Variants in KLHL1 observed in about 807,000 individuals in gnomAD.
The protein encoded by KLHL1 is kelch-like protein 1.
In KLHL1, 47 loss-of-function variants were observed where a neutral mutation model predicts 77.7. That is an observed-to-expected ratio of 0.60 (90% CI 0.48 to 0.77). The LOEUF (loss-of-function observed/expected upper bound fraction) is 0.77. KLHL1 is among the 30% of genes least tolerant of loss of function. The pLI, the probability that KLHL1 is intolerant of heterozygous loss-of-function variation, is 0.00. For synonymous variants in KLHL1, 360 were observed against 325.2 expected, an observed-to-expected ratio of 1.11 and a Z score of -1.15; for missense variants, 925 against 910.8, an observed-to-expected ratio of 1.02 and a Z score of -0.20.
At chr13:70,039,056 ATTTTTTTT>A (rs35184766) in intron 1 of KLHL1, among the ~76,000 whole-genome samples, 12 of 124,690 alleles carry the variant, frequency 9.6e-5, no homozygotes, top group East Asian at 4.9e-4. Context: ...TCCTTTGCAC[ATTTTTTTT>A]TTTTTTTTTT....
intron 4 of KLHL1, among the ~76,000 whole-genome samples, chr13:69,903,178 T>TG (rs1338443101): frequency 1.3e-5 from 2 of 152,130 alleles, no homozygotes; most frequent in African/African-American, 4.8e-5. Context: ...CTCAGAAAGA[T>TG]GTGGTAAAAG....
chr13:69,743,781 G>A (rs1470626913), intron 7 of KLHL1, among the ~76,000 whole-genome samples: 7 of 134,522 alleles, frequency 5.2e-5, no homozygotes, highest in Admixed American at 3.1e-4. Context: ...GTGAGATTTT[G>A]TCTCAAAAAA....
Position 69,764,929 on chromosome 13 carries a change from C to CTTTTTTTTTTTTTTT in KLHL1, c.1640-24388_1640-24374dup, listed in dbSNP as rs71196263. Among the ~76,000 whole-genome samples the CTTTTTTTTTTTTTTT allele has an allele frequency of 3.2e-3, 128 of 39,724 alleles. 51 individuals are homozygous for CTTTTTTTTTTTTTTT. The highest frequency in any genetic ancestry group is 4.1e-3 in the Admixed American group (9 of 2,174). The allele number at this position is 39,724 out of a possible 152,430, so 26.1% of individuals were successfully genotyped here. On this transcript the variant is annotated intron_variant, in intron 7 of 10. Coordinates refer to ENST00000377844, the MANE Select transcript of KLHL1 (RefSeq NM_020866.3). ...TCTCATGCTTTCATGTATATCTTTG[C>CTTTTTTTTTTTTTTT]TTTTTTTTTTTTTTTTTTTTTTTTT...
chr13:69,787,301 C>G (rs1318337851), intron 7 of KLHL1, among the ~76,000 whole-genome samples: 1 of 152,048 alleles, frequency 6.6e-6, no homozygotes, highest in Non-Finnish European at 1.5e-5. Flanking sequence ...GGTACTGGTA[C>G]CAAAACAGAA....
intron 6 of KLHL1, chr13:69,802,895 T>C (rs1436828620): frequency 1.3e-5 from 2 of 152,132 alleles, no homozygotes; most frequent in Non-Finnish European, 2.9e-5. Context: ...CATTTCTGGG[T>C]TCCTACAATG....
intron 9 of KLHL1, among the ~76,000 whole-genome samples, chr13:69,710,797 G>GGTTT (rs1040067961): frequency 2.0e-5 from 3 of 151,884 alleles, no homozygotes; most frequent in African/African-American, 4.8e-5. Context: ...CTAGTTGCCA[G>GGTTT]GTTTGTTTGT....
At chr13:69,749,134 G>A (rs747587507) in intron 7 of KLHL1, among the ~76,000 whole-genome samples, 1 of 151,772 alleles carries the variant, frequency 6.6e-6, no homozygotes, top group Admixed American at 6.6e-5. Flanking sequence ...TTGCAGAATG[G>A]GCTCATTAGG....
chr13:69,825,135 T>C (rs1878494498), intron 6 of KLHL1, among the ~76,000 whole-genome samples: 1 of 152,256 alleles, frequency 6.6e-6, no homozygotes, highest in Non-Finnish European at 1.5e-5. Context: ...CTTTTTAATG[T>C]TTAAAAATTC....
intron 7 of KLHL1, among the ~76,000 whole-genome samples, chr13:69,742,756 A>G (rs1380302227): frequency 6.6e-6 from 1 of 152,226 alleles, no homozygotes. Flanking sequence ...ACACAACTCT[A>G]TTCATATGGA....
intron 1 of KLHL1, among the ~76,000 whole-genome samples, chr13:70,104,662 A>G (rs1450781226): frequency 1.3e-5 from 2 of 152,164 alleles, no homozygotes; most frequent in Non-Finnish European, 2.9e-5. Context: ...AATGCTCATT[A>G]TTAAATATGA....
intron 8 of KLHL1, among the ~76,000 whole-genome samples, chr13:69,727,410 A>G (rs1873349235): frequency 6.6e-6 from 1 of 152,098 alleles, no homozygotes; most frequent in Non-Finnish European, 1.5e-5. Context: ...GGACAGTCAC[A>G]AGTTAATAAG....
intron 8 of KLHL1, among the ~76,000 whole-genome samples, chr13:69,730,097 AGACTCTGC>A (rs1873475159): frequency 6.6e-6 from 1 of 152,186 alleles, no homozygotes; most frequent in Non-Finnish European, 1.5e-5. Context: ...AATTGCCACA[AGACTCTGC>A]GTTAAATATT....
At chr13:69,779,764 A>G (rs1046493397) in intron 7 of KLHL1, among the ~76,000 whole-genome samples, 3 of 151,488 alleles carry the variant, frequency 2.0e-5, no homozygotes, top group African/African-American at 7.3e-5. Flanking sequence ...TGCTCCAAAA[A>G]CTTGTTTTAT....
At chr13:70,100,193 AT>A (rs60671586) in intron 1 of KLHL1, among the ~76,000 whole-genome samples, 9,932 of 151,676 alleles carry the variant, frequency 0.065, 563 homozygotes, top group East Asian at 0.32. Flanking sequence ...ATATTTCTTC[AT>A]TATGTGGCTC....
intron 1 of KLHL1, among the ~76,000 whole-genome samples, chr13:69,982,921 G>A (rs1488847369): frequency 6.6e-6 from 1 of 152,096 alleles, no homozygotes; most frequent in East Asian, 1.9e-4. Context: ...AAATTAAATT[G>A]TCCCTGTTTG....
At chr13:70,052,083 G>A (rs1201590416) in intron 1 of KLHL1, among the ~76,000 whole-genome samples, 1 of 151,740 alleles carries the variant, frequency 6.6e-6, no homozygotes, top group Non-Finnish European at 1.5e-5. Context: ...TCTTAGCCGT[G>A]CAATAGGCCA....
chr13:69,900,715 A>G (rs1488920639), intron 4 of KLHL1, among the ~76,000 whole-genome samples: 6 of 152,208 alleles, frequency 3.9e-5, no homozygotes, highest in Admixed American at 6.5e-5. Context: ...TCTTTGAGAA[A>G]AAGAAGACAA....
In KLHL1 at chr13:70,050,718, A is replaced by G. The variant is rs374969236; in HGVS notation, c.497+56485T>C. Among the ~76,000 whole-genome samples the G allele has an allele frequency of 1.5e-4, 23 of 152,162 alleles. No homozygotes were observed. The East Asian group carries it at 2.7e-3, about 18-fold the overall frequency. On this transcript the variant is annotated intron_variant, in intron 1 of 10. Coordinates refer to ENST00000377844, the MANE Select transcript of KLHL1 (RefSeq NM_020866.3). ...AAAATATTTTAATCATGATCAAAATATAAGTGTTAACCTGGTAATTGTTAC... is the reference window on the plus strand; with the variant it reads ...AAAATATTTTAATCATGATCAAAATGTAAGTGTTAACCTGGTAATTGTTAC...
intron 4 of KLHL1, among the ~76,000 whole-genome samples, chr13:69,926,303 A>G (rs1882811373): frequency 6.6e-6 from 1 of 152,214 alleles, no homozygotes; most frequent in Non-Finnish European, 1.5e-5. Flanking sequence ...AGCTTAAGTT[A>G]TTTAAAAAGC....
Sources: gnomAD v4.1 joint callset for allele counts (sites outside exome capture counted in the v4.1 genomes callset) on GRCh38, gnomAD v4.1.1 for gene constraint, MANE v1.5 for transcripts, NCBI Gene and HGNC (gene_info 2026-07-23, HGNC 2026-07-21) for gene names.